TOP6BL: variants seen among roughly 807,000 people sequenced by gnomAD.
The protein encoded by TOP6BL is type 2 DNA topoisomerase 6 subunit B-like.
the TOP6BL span, among the ~76,000 whole-genome samples, chr11:66,770,730 T>A: frequency 1.6e-3 from 241 of 152,176 alleles, 3 homozygotes; most frequent in Non-Finnish European, 2.1e-3. Context: ...ACACCAGTGG[T>A]AATATGAAAT....
At chr11:66,767,282 A>G in the TOP6BL span, among the ~76,000 whole-genome samples, 2 of 152,120 alleles carry the variant, frequency 1.3e-5, no homozygotes, top group African/African-American at 4.8e-5. Flanking sequence ...AATTCCATTT[A>G]TATATTCATT....
the TOP6BL span, among the ~76,000 whole-genome samples, chr11:66,763,940 G>A: frequency 6.6e-6 from 1 of 152,178 alleles, no homozygotes; most frequent in Non-Finnish European, 1.5e-5. Flanking sequence ...CATTCTGTGA[G>A]CATTTGGTAA....
chr11:66,811,968 A>G, the TOP6BL span, among the ~76,000 whole-genome samples: 1 of 152,178 alleles, frequency 6.6e-6, no homozygotes, highest in African/African-American at 2.4e-5. Context: ...GAGAGAGAGA[A>G]AACACTTTTT....
At chr11:66,749,154 T>C in the TOP6BL span, among the ~76,000 whole-genome samples, 1 of 152,048 alleles carries the variant, frequency 6.6e-6, no homozygotes, top group Admixed American at 6.6e-5. Flanking sequence ...CAAGTTGAGA[T>C]TGGATAGTGA....
the TOP6BL span, among the ~76,000 whole-genome samples, chr11:66,815,491 A>T: frequency 6.6e-6 from 1 of 152,176 alleles, no homozygotes; most frequent in South Asian, 2.1e-4. Flanking sequence ...GGGCTAAGAG[A>T]ACAGGTTTTT....
the TOP6BL span, among the ~76,000 whole-genome samples, chr11:66,791,903 C>T: frequency 2.8e-4 from 42 of 151,732 alleles, no homozygotes; most frequent in African/African-American, 8.2e-4. Flanking sequence ...CTGCAAGCTC[C>T]GCCTCCCAGG....
the TOP6BL span, among the ~76,000 whole-genome samples, chr11:66,820,324 A>G: frequency 6.6e-6 from 1 of 152,194 alleles, no homozygotes; most frequent in South Asian, 2.1e-4. Context: ...TTTTTAATAC[A>G]GTCCTGGAAA....
At chr11:66,774,913 G>A in the TOP6BL span, among the ~76,000 whole-genome samples, 25 of 151,706 alleles carry the variant, frequency 1.6e-4, no homozygotes, top group South Asian at 5.2e-3. Flanking sequence ...GGGAGTTAGT[G>A]ACCAGCCTGG....
At chr11:66,808,013 G>A in the TOP6BL span, among the ~76,000 whole-genome samples, 2 of 152,298 alleles carry the variant, frequency 1.3e-5, no homozygotes, top group African/African-American at 4.8e-5. Flanking sequence ...ATGTTTTATA[G>A]AAGCAAACAA....
At chr11:66,812,278 G>A in the TOP6BL span, among the ~76,000 whole-genome samples, 1 of 150,042 alleles carries the variant, frequency 6.7e-6, no homozygotes, top group Admixed American at 6.7e-5. Flanking sequence ...CCGGGTTCAC[G>A]CCATTCTTCT....
chr11:66,817,531 C>T, the TOP6BL span, among the ~76,000 whole-genome samples: 2 of 152,184 alleles, frequency 1.3e-5, no homozygotes, highest in Admixed American at 6.5e-5. Context: ...CTCCACCTCC[C>T]GGGTTCAAGC....
chr11:66,798,548 C>T, the TOP6BL span, among the ~76,000 whole-genome samples: 5 of 143,434 alleles, frequency 3.5e-5, no homozygotes, highest in African/African-American at 1.3e-4. Flanking sequence ...TGCAGTGAAC[C>T]GTGTTTACAC....
chr11:66,819,457 CTG>C, the TOP6BL span, among the ~76,000 whole-genome samples: 2 of 152,184 alleles, frequency 1.3e-5, no homozygotes, highest in South Asian at 4.1e-4. Context: ...TATTTTGAAA[CTG>C]TACAGTGTAC....
the TOP6BL span, among the ~76,000 whole-genome samples, chr11:66,803,713 C>A: frequency 6.6e-6 from 1 of 152,174 alleles, no homozygotes; most frequent in Non-Finnish European, 1.5e-5. Flanking sequence ...GCATGAGCCA[C>A]AATGCCTGGT....
chr11:66,773,592 A>G, the TOP6BL span, among the ~76,000 whole-genome samples: 3 of 151,836 alleles, frequency 2.0e-5, no homozygotes, highest in Non-Finnish European at 2.9e-5. Context: ...GTTCTATTTC[A>G]TTCATTTACA....
At chr11:66,758,302 C>CTTTTTCTTTTTTTTTTTTTTTT in the TOP6BL span, 1 of 67,316 alleles carries the variant, frequency 1.5e-5, no homozygotes, top group African/African-American at 7.1e-5. Context: ...TTTTCTTTTT[C>CTTTTTCTTTTTTTTTTTTTTTT]TTTTTTTTTT....
the TOP6BL span, among the ~76,000 whole-genome samples, chr11:66,806,294 T>C: frequency 6.6e-6 from 1 of 152,310 alleles, no homozygotes; most frequent in Non-Finnish European, 1.5e-5. Flanking sequence ...ATCTCATAGG[T>C]TTAGTTTCCC....
the TOP6BL span, among the ~76,000 whole-genome samples, chr11:66,781,159 A>G: frequency 9.2e-5 from 14 of 151,834 alleles, no homozygotes; most frequent in African/African-American, 2.9e-4. Context: ...TTATTCTCCT[A>G]TCCTCCTTCT....
At chr11:66,768,673 T>G in the TOP6BL span, among the ~76,000 whole-genome samples, 12 of 152,096 alleles carry the variant, frequency 7.9e-5, no homozygotes, top group East Asian at 1.9e-4. Context: ...TTTTTGTTTT[T>G]TTTTTTTTTT....
Sources: gnomAD v4.1 joint callset for allele counts (sites outside exome capture counted in the v4.1 genomes callset) on GRCh38, gnomAD v4.1.1 for gene constraint, MANE v1.5 for transcripts, NCBI Gene and HGNC (gene_info 2026-07-23, HGNC 2026-07-21) for gene names.